Variants in FLNB observed in about 807,000 individuals in gnomAD.
The protein encoded by FLNB is filamin-B.
A neutral mutation model predicts 250.6 loss-of-function variants in FLNB; 111 were observed. The observed-to-expected ratio is 0.44, with a 90% CI of 0.38 to 0.52. FLNB has a LOEUF of 0.52. Among genes scored for constraint, FLNB ranks in the 20% least tolerant of loss-of-function variants. FLNB has a pLI of 0.00. For synonymous variants in FLNB, 1,302 were observed against 1,372.1 expected (o/e 0.95, Z 1.13); for missense variants, 2,869 against 3,447.8 (o/e 0.83, Z 4.20).
At chr3:58,127,989 G>A (rs978570657) in intron 24 of FLNB, among the ~76,000 whole-genome samples, 3 of 152,114 alleles carry the variant, frequency 2.0e-5, no homozygotes, top group Admixed American at 6.5e-5. Context: ...ACAGAAGACC[G>A]AGGGCTGGGG....
chr3:58,067,403 C>G (rs2097187199), intron 1 of FLNB, among the ~76,000 whole-genome samples: 1 of 152,110 alleles, frequency 6.6e-6, no homozygotes, highest in South Asian at 2.1e-4. Flanking sequence ...TTGAGTAGTT[C>G]ATGAGCAAGA....
At chr3:58,078,487 T>C in intron 2 of FLNB, 2 of 1,536,282 alleles carry the variant, frequency 1.3e-6, no homozygotes, top group Non-Finnish European at 1.7e-6. Context: ...CCCATCTTCA[T>C]GCAAGAACAT....
intron 1 of FLNB, among the ~76,000 whole-genome samples, chr3:58,061,492 C>G (rs150420615): frequency 1.2e-4 from 18 of 151,654 alleles, no homozygotes; most frequent in African/African-American, 3.6e-4. Context: ...TTTGGGAGAC[C>G]GAGATGGGAG....
Position 58,135,999 on chromosome 3 carries a change from A to G in FLNB, c.4692A>G (p.Lys1564=). The G allele has an allele frequency of 6.2e-7, 1 of 1,614,216 alleles. No individual in the cohort carries two copies. Among genetic ancestry groups the G allele is most frequent in the Non-Finnish European group, 8.5e-7 (1 of 1,180,026 alleles). The change falls in exon 28 of 46, where the codon AAA becomes AAG. Residue 1564 remains lysine, a synonymous_variant. Coordinates refer to ENST00000295956, the MANE Select transcript of FLNB (RefSeq NM_001457.4). Reference sequence around the variant, plus strand: ...CACAGGACCAAGAAGGAAAACCCAAAAGAGCCATTGTCCATGACAATAAAG... The same window carrying G: ...CACAGGACCAAGAAGGAAAACCCAAGAGAGCCATTGTCCATGACAATAAAG... ...VQITDQEGKP[K]RAIVHDNKDG... is the part of the protein sequence containing the mutation.
intron 18 of FLNB, among the ~76,000 whole-genome samples, chr3:58,114,707 G>GT (rs568292098): frequency 0.052 from 7,165 of 138,640 alleles, 597 homozygotes; most frequent in African/African-American, 0.17. Flanking sequence ...TTTTTTTTCT[G>GT]TTTTTTTTTT....
At chr3:58,109,949 A>G (rs2097265689) in intron 15 of FLNB, 61 bp from the exon 16 acceptor site, 22 of 1,592,398 alleles carry the variant, frequency 1.4e-5, no homozygotes, top group Non-Finnish European at 1.7e-5. Flanking sequence ...CTGAGCTGGA[A>G]GAGATTGCAC....
At chr3:58,146,711 A>C (rs1279125242) in intron 33 of FLNB, 109 bp from the exon 34 acceptor site, 1 of 1,147,558 alleles carries the variant, frequency 8.7e-7, no homozygotes, top group East Asian at 2.4e-5. Context: ...GAGTGCGTCA[A>C]TCCATTGTCC....
At chr3:58,166,482 G>T (rs567355220) in intron 43 of FLNB, among the ~76,000 whole-genome samples, 1 of 152,222 alleles carries the variant, frequency 6.6e-6, no homozygotes, top group South Asian at 2.1e-4. Context: ...GTTAAAAAAT[G>T]GTGGAACTTT....
intron 19 of FLNB, among the ~76,000 whole-genome samples, chr3:58,120,987 A>G (rs1004119231): frequency 6.6e-6 from 1 of 152,234 alleles, no homozygotes; most frequent in Admixed American, 6.5e-5. Flanking sequence ...CTTGGCATAT[A>G]AAATGCATTC....
chr3:58,066,178 T>C (rs1351949045), intron 1 of FLNB, among the ~76,000 whole-genome samples: 1 of 152,098 alleles, frequency 6.6e-6, no homozygotes, highest in East Asian at 1.9e-4. Flanking sequence ...GTGTCTATAC[T>C]TTTTTTCTTC....
At position 58,130,769 on chromosome 3, in the gene FLNB, T is replaced by C. The variant is rs2097306056; in HGVS notation, c.4251T>C (p.Asp1417=). Residue 1417 remains aspartate (D), a synonymous_variant, in exon 25 of 46, where the codon GAT becomes GAC. Coordinates refer to ENST00000295956, the MANE Select transcript of FLNB (RefSeq NM_001457.4). ...GCCCCTTCAGGGTTCCTGTGAAGGATGTTGTGGACCCCAGCAAGGTCAAGA... is the reference window on the plus strand; with the variant it reads ...GCCCCTTCAGGGTTCCTGTGAAGGACGTTGTGGACCCCAGCAAGGTCAAGA... The part of the protein sequence containing the change: ...PGSPFRVPVK[D]VVDPSKVKIA... The C allele has an allele frequency of 1.2e-6, 2 of 1,613,730 alleles. No individual in the cohort carries two copies. The highest frequency in any genetic ancestry group is 1.7e-5 in the Admixed American group (1 of 59,970).
intron 1 of FLNB, among the ~76,000 whole-genome samples, chr3:58,010,890 T>C: frequency 6.6e-6 from 1 of 151,766 alleles, no homozygotes; most frequent in Non-Finnish European, 1.5e-5. Context: ...TTTTACATGG[T>C]TCTCCTGATT....
intron 1 of FLNB, among the ~76,000 whole-genome samples, chr3:58,052,364 C>T (rs2097163785): frequency 6.6e-6 from 1 of 152,080 alleles, no homozygotes; most frequent in Non-Finnish European, 1.5e-5. Context: ...TGACAGGGTC[C>T]AAAACTACTC....
intron 26 of FLNB, 96 bp downstream of exon 26, chr3:58,133,027 C>T (rs1261280362): frequency 7.3e-7 from 1 of 1,362,118 alleles, no homozygotes; most frequent in African/African-American, 1.4e-5. Flanking sequence ...GTTCCTCCAT[C>T]ATTCCATCCA....
In FLNB at chr3:58,052,000, C is replaced by T. The variant is rs531446978; in HGVS notation, c.293-25046C>T. ...CTCCTGGGTTCAAGTGATTCTCGTG[C>T]CTCAGCCTCCTGAGTGGCTGGGACT... On this transcript the variant is annotated intron_variant, in intron 1 of 45. Transcript: ENST00000295956. Among the ~76,000 whole-genome samples the T allele has an allele frequency of 2.0e-5, 3 of 152,198 alleles. No individual in the cohort carries two copies. The South Asian group carries it at 6.3e-4, about 32-fold the overall frequency.
In FLNB at chr3:58,138,834, TG is replaced by T. The variant is rs1382626653; in HGVS notation, c.5109+306del. On this transcript the variant is annotated intron_variant, in intron 29 of 45. Coordinates refer to ENST00000295956, the MANE Select transcript of FLNB (RefSeq NM_001457.4). ...AACTCCTCAGAAAAACACACCTTTA[TG>T]AAAATGTTTCTACATAAAACATGAC... Among the ~76,000 whole-genome samples the T allele has an allele frequency of 9.8e-5, 15 of 152,292 alleles. No individual in the cohort carries two copies. The East Asian group carries it at 2.7e-3, about 27-fold the overall frequency.
At chr3:58,058,855 A>G (rs545108167) in intron 1 of FLNB, among the ~76,000 whole-genome samples, 39 of 152,308 alleles carry the variant, frequency 2.6e-4, no homozygotes, top group African/African-American at 9.4e-4. Flanking sequence ...GTTTTATAGA[A>G]TGTAACCTCC....
rs771685697 is a variant in FLNB, at chr3:58,123,575, G to A, written c.3609G>A (p.Thr1203=). The change falls in exon 21 of 46, where the codon ACG becomes ACA. Residue 1203 remains threonine (T), a synonymous_variant. Transcript: ENST00000295956. The stretch of plus-strand genomic sequence containing the variant: ...TGCCCCTGACGGCCGGCATGTACAC[G>A]TTGACCATGAAGTATGGTGGCGAAC... The part of the protein sequence containing the change: ...TYVPLTAGMY[T]LTMKYGGELV... 7 of 1,612,268 alleles carry A rather than the reference G, an allele frequency of 4.3e-6. No homozygotes were observed. The highest frequency in any genetic ancestry group is 4.5e-5 in the East Asian group (2 of 44,876).
intron 25 of FLNB, chr3:58,132,413 G>C (rs1443322191): frequency 7.5e-6 from 3 of 402,562 alleles, no homozygotes; most frequent in Non-Finnish European, 1.4e-5. Flanking sequence ...CACAATTCTG[G>C]ACTCTTTGGC....
Sources: allele counts gnomAD v4.1 joint callset (sites outside exome capture counted in the v4.1 genomes callset), GRCh38; gene constraint gnomAD v4.1.1; transcripts MANE v1.5; gene names NCBI Gene and HGNC (gene_info 2026-07-23, HGNC 2026-07-21).